Variants in NUP85 observed in about 807,000 individuals in gnomAD.
NUP85 encodes nucleoporin 85.
NUP85 carries 23 observed loss-of-function variants against 92.8 expected under a neutral mutation model. That is an observed-to-expected ratio of 0.25 (90% CI 0.18 to 0.35). The LOEUF is 0.35. NUP85 is among the 10% of genes least tolerant of loss of function. The pLI is 1.00. For synonymous variants in NUP85, 314 were observed against 306.9 expected (o/e 1.02, Z -0.24); for missense variants, 759 against 822.8 (o/e 0.92, Z 0.95).
chr17:75,222,470 G>C, intron 7 of NUP85, among the ~76,000 whole-genome samples: 1 of 146,790 alleles, frequency 6.8e-6, no homozygotes, highest in African/African-American at 2.5e-5. Flanking sequence ...GGAGTTATCA[G>C]TATGTATATG....
At chr17:75,208,504 A>T (rs1363648182) in intron 1 of NUP85, 23 bp from the exon 2 acceptor site, 1 of 1,189,910 alleles carries the variant, frequency 8.4e-7, no homozygotes, top group African/African-American at 1.5e-5. Context: ...TTCATTTTAG[A>T]TTTCTATGCC....
At chr17:75,218,056 G>A in intron 6 of NUP85, 129 bp from the exon 7 acceptor site, 3 of 1,188,054 alleles carry the variant, frequency 2.5e-6, no homozygotes, top group Middle Eastern at 2.1e-4. Flanking sequence ...GACCATGTGT[G>A]TGACTGCTTA....
intron 5 of NUP85, among the ~76,000 whole-genome samples, chr17:75,214,735 TA>T (rs762235247): frequency 7.9e-5 from 12 of 152,118 alleles, no homozygotes; most frequent in Non-Finnish European, 1.6e-4. Flanking sequence ...TGTGCGCCTG[TA>T]ATCCCAGCCA....
At chr17:75,207,490 CT>C (rs1196878385) in intron 1 of NUP85, among the ~76,000 whole-genome samples, 1 of 151,036 alleles carries the variant, frequency 6.6e-6, no homozygotes, top group Non-Finnish European at 1.5e-5. Flanking sequence ...TGGCCTCATT[CT>C]TTTTTTGAGA....
chr17:75,231,690 G>C lies in NUP85; in HGVS notation c.1244+52G>C, dbSNP rs577488194. 6.3e-7 allele frequency: 1 copy of C among 1,596,552 alleles called. No homozygotes were observed. The highest frequency in any genetic ancestry group is 1.4e-5 in the African/African-American group (1 of 72,070). On this transcript the variant is annotated intron_variant, in intron 13 of 18. Transcript: ENST00000245544. This position sits in a 1 kb window ranked among gnomAD's most constrained non-coding sequence, Gnocchi z 4.6. ...TATGCGGGTGCTCTTCAGCATGCGG[G>C]TGCCATTGGAGCTTGGACTGTTCTC...
Position 75,225,803 on chromosome 17 carries a change from C to G in NUP85, c.961C>G (p.Pro321Ala), listed in dbSNP as rs778171610. 1.2e-6 allele frequency: 2 copies of G among 1,614,106 alleles called. No individual in the cohort carries two copies. Among genetic ancestry groups the G allele is most frequent in the Non-Finnish European group, 1.7e-6 (2 of 1,180,024 alleles). The change falls in exon 10 of 19, where the codon CCC becomes GCC. Residue 321 changes from proline to alanine, a missense_variant. Transcript: ENST00000245544. ...CTTGTACTCCAATCCCACAGTAAAA[C>G]CCATTGATCTGCACTACTATGCCCA... ...RLLYSNPTVK[P>A]IDLHYYAQSS...
At chr17:75,208,302 G>T in intron 1 of NUP85, 2 of 424,198 alleles carry the variant, frequency 4.7e-6, no homozygotes, top group South Asian at 4.8e-5. Context: ...AAAAATAGCC[G>T]GGTGTGGTTG....
intron 1 of NUP85, 81 bp from the exon 2 acceptor site, chr17:75,208,446 A>G: frequency 1.6e-6 from 1 of 619,626 alleles, no homozygotes; most frequent in Non-Finnish European, 2.7e-6. Context: ...GTCTCAAAAA[A>G]AAAAAAAAAA....
At position 75,210,098 on chromosome 17, in the gene NUP85, C is replaced by G. The variant is rs1189114870; in HGVS notation, c.290+113C>G. ...GGGTTGCGTAAAGAAATAAGAGACTCCTGGTTCTAGTTGAGGCATGAGTAC... is the reference window on the plus strand; with the variant it reads ...GGGTTGCGTAAAGAAATAAGAGACTGCTGGTTCTAGTTGAGGCATGAGTAC... On this transcript the variant is annotated intron_variant, in intron 3 of 18. Transcript: ENST00000245544. 4 of 1,059,540 alleles carry G rather than the reference C, an allele frequency of 3.8e-6. No individual in the cohort carries two copies. In the East Asian group the frequency reaches 7.8e-5, roughly 21 times the overall value. 65.6% of individuals were successfully genotyped at this position (1,059,540 alleles called of 1,614,324 possible).
chr17:75,209,481 C>T (rs1158170033), intron 2 of NUP85, among the ~76,000 whole-genome samples: 1 of 142,496 alleles, frequency 7.0e-6, no homozygotes, highest in African/African-American at 2.6e-5. Flanking sequence ...GAGTCTCGCT[C>T]TGTCCAGGCT....
intron 7 of NUP85, among the ~76,000 whole-genome samples, chr17:75,222,964 A>C (rs1222702311): frequency 1.4e-5 from 2 of 146,186 alleles, no homozygotes; most frequent in African/African-American, 5.2e-5. Context: ...GAACCTGGGA[A>C]GTGGAGCTTG....
intron 1 of NUP85, among the ~76,000 whole-genome samples, chr17:75,206,797 A>AAG (rs1489928357): frequency 1.3e-5 from 2 of 151,812 alleles, no homozygotes; most frequent in East Asian, 3.9e-4. Context: ...TCCCGGGTTC[A>AAG]CACCATTCTC....
At position 75,210,005 on chromosome 17, in the gene NUP85, G is replaced by A. The variant is rs1158344222; in HGVS notation, c.290+20G>A. On this transcript the variant is annotated intron_variant, in intron 3 of 18. Transcript: ENST00000245544. ...ATCTCAGTAAGTTGGTTGCTGTTTGGTGTTGAAGCCCACACTACACTGTGG... is the reference window on the plus strand; with the variant it reads ...ATCTCAGTAAGTTGGTTGCTGTTTGATGTTGAAGCCCACACTACACTGTGG... 1.3e-6 allele frequency: 2 copies of A among 1,587,826 alleles called. No individual in the cohort carries two copies. Among genetic ancestry groups the A allele is most frequent in the African/African-American group, 1.4e-5 (1 of 72,990 alleles).
chr17:75,225,906 C>T (rs2075775885), intron 10 of NUP85, 77 bp downstream of exon 10: 3 of 1,600,688 alleles, frequency 1.9e-6, no homozygotes, highest in Admixed American at 1.7e-5. Context: ...CTTTGAATTC[C>T]TCCCTGAGGA....
chr17:75,229,844 C>T (rs897979492), intron 11 of NUP85, among the ~76,000 whole-genome samples: 6 of 152,236 alleles, frequency 3.9e-5, no homozygotes, highest in African/African-American at 1.4e-4. Context: ...CTTTGGCTCC[C>T]TTAGCCTGGG....
chr17:75,206,779 C>T (rs944845109), intron 1 of NUP85, among the ~76,000 whole-genome samples: 4 of 151,992 alleles, frequency 2.6e-5, no homozygotes, highest in African/African-American at 7.2e-5. Flanking sequence ...CTCACTGTAA[C>T]CTCCGCCTCC....
At chr17:75,226,901 T>C (rs1457027235) in intron 11 of NUP85, 1 of 314,912 alleles carries the variant, frequency 3.2e-6, no homozygotes, top group East Asian at 9.4e-5. Flanking sequence ...ACCACTGGGC[T>C]TCAGGCTGGG....
Position 75,205,805 on chromosome 17 carries a change from C to A in NUP85, c.33+11C>A. The A allele has an allele frequency of 6.2e-7, 1 of 1,614,014 alleles. No homozygotes were observed. The highest frequency in any genetic ancestry group is 1.3e-5 in the African/African-American group (1 of 75,034). On this transcript the variant is annotated intron_variant, in intron 1 of 18. Transcript: ENST00000245544. ...GAGCCAACAGTCACTGTAAGGGTACCCCGAACAGGCTTGCTCGTCCTTGCG... is the reference window on the plus strand; with the variant it reads ...GAGCCAACAGTCACTGTAAGGGTACACCGAACAGGCTTGCTCGTCCTTGCG...
chr17:75,212,314 G>A (rs1195936810), intron 4 of NUP85, among the ~76,000 whole-genome samples: 1 of 133,062 alleles, frequency 7.5e-6, no homozygotes, highest in African/African-American at 3.0e-5. Flanking sequence ...TGTCGCCCAG[G>A]CTGAGGTGCT....
Sources: gnomAD v4.1 joint callset for allele counts (sites outside exome capture counted in the v4.1 genomes callset) on GRCh38, gnomAD v4.1.1 for gene constraint, Gnocchi (gnomAD v3.1) non-coding constraint, MANE v1.5 for transcripts, NCBI Gene and HGNC (gene_info 2026-07-23, HGNC 2026-07-21) for gene names.